SLC30A8: variants seen among roughly 807,000 people sequenced by gnomAD.
SLC30A8 encodes solute carrier family 30 member 8.
Under a neutral mutation model 36.9 loss-of-function variants are expected in SLC30A8, and 27 were observed. The ratio of observed to expected loss-of-function variants is 0.73; its 90% CI spans 0.54 to 1.01. SLC30A8 has a LOEUF of 1.01. Ranked by LOEUF, SLC30A8 falls within the 50% of genes least tolerant of loss-of-function variation. The pLI is 0.00. For synonymous variants in SLC30A8, 164 were observed against 172.4 expected (o/e 0.95, Z 0.38); for missense variants, 439 against 452.0 (o/e 0.97, Z 0.26).
At chr8:117,169,305 G>C (rs907161429) in intron 6 of SLC30A8, among the ~76,000 whole-genome samples, 1 of 152,092 alleles carries the variant, frequency 6.6e-6, no homozygotes, top group Non-Finnish European at 1.5e-5. Context: ...ATTTTTTGCC[G>C]AGTGTTCCAT....
intron 2 of SLC30A8, chr8:117,147,439 C>T (rs1821949552): frequency 2.9e-6 from 1 of 347,348 alleles, no homozygotes; most frequent in South Asian, 3.5e-5. Context: ...TGAGAGCATA[C>T]TGAATGCTTT....
chr8:117,091,077 T>G (rs1174816123), intron 2 of SLC30A8, among the ~76,000 whole-genome samples: 1 of 152,192 alleles, frequency 6.6e-6, no homozygotes, highest in African/African-American at 2.4e-5. Context: ...ACATCTTTTT[T>G]TTTTTGCACT....
upstream of SLC30A8, among the ~76,000 whole-genome samples, chr8:117,132,666 T>C (rs1400654349): frequency 6.6e-6 from 1 of 152,042 alleles, no homozygotes. Context: ...CGTTGGCCCT[T>C]GGTGGGCAGT....
At chr8:117,089,450 G>A (rs1819017047) in intron 2 of SLC30A8, among the ~76,000 whole-genome samples, 1 of 152,048 alleles carries the variant, frequency 6.6e-6, no homozygotes, top group Non-Finnish European at 1.5e-5. Context: ...TTGACTACTT[G>A]CCCAAATCTG....
chr8:117,014,275 G>C (rs1030153460), intron 1 of SLC30A8, among the ~76,000 whole-genome samples: 2 of 123,024 alleles, frequency 1.6e-5, no homozygotes, highest in Non-Finnish European at 3.4e-5. Context: ...TTAGCCTTTG[G>C]CTGCTGAACA....
upstream of SLC30A8, among the ~76,000 whole-genome samples, chr8:117,130,816 G>A (rs1821103675): frequency 6.6e-6 from 1 of 151,870 alleles, no homozygotes; most frequent in Non-Finnish European, 1.5e-5. Flanking sequence ...GTTCAAATTT[G>A]CAAGTGCTTG....
In SLC30A8 at chr8:117,172,794, G is replaced by T; in HGVS notation, c.*113G>T. 8.1e-7 allele frequency: 1 copy of T among 1,241,438 alleles called. No individual in the cohort carries two copies. Among genetic ancestry groups the T allele is most frequent in the Admixed American group, 2.1e-5 (1 of 46,876 alleles). 76.9% of individuals were successfully genotyped at this position (1,241,438 alleles called of 1,614,324 possible). ...CAAAGGAAGAAATTCATGTCATGGT[G>T]CAATGCACATTTTATCTATTTATTT... On this transcript the variant is annotated 3_prime_UTR_variant, in exon 8 of 8. Transcript: ENST00000456015.
chr8:117,023,410 A>G lies in SLC30A8; in HGVS notation c.-265-15809A>G, dbSNP rs560290968. Among the ~76,000 whole-genome samples the G allele has an allele frequency of 1.1e-3, 162 of 152,356 alleles. 2 individuals are homozygous for G. The highest frequency in any genetic ancestry group is 3.6e-3 in the African/African-American group (149 of 41,576). ...GATTATAAATCATGCTGCTGTAAAG[A>G]CACATGCACACATTTGTTTATTGTG... is the stretch of plus-strand genomic sequence containing the variant. On this transcript the variant is annotated intron_variant, in intron 1 of 10. Coordinates refer to the SLC30A8 transcript ENST00000427715.
intron 4 of SLC30A8, among the ~76,000 whole-genome samples, chr8:117,160,936 C>G (rs1029224952): frequency 6.6e-6 from 1 of 152,166 alleles, no homozygotes; most frequent in Non-Finnish European, 1.5e-5. Context: ...AGAAAAAGTT[C>G]AGAAAGGCAA....
At chr8:117,119,013 T>C (rs186570956) in intron 2 of SLC30A8, among the ~76,000 whole-genome samples, 7 of 151,928 alleles carry the variant, frequency 4.6e-5, no homozygotes, top group Admixed American at 3.9e-4. Flanking sequence ...TGGGTAGAAG[T>C]CAACTAAGTT....
chr8:117,123,772 T>A (rs1284557062), intron 2 of SLC30A8, among the ~76,000 whole-genome samples: 1 of 152,058 alleles, frequency 6.6e-6, no homozygotes, highest in Non-Finnish European at 1.5e-5. Flanking sequence ...TACTTCACAT[T>A]AAGATCTGCT....
chr8:116,953,251 A>AT (rs996335006), intron 1 of SLC30A8, among the ~76,000 whole-genome samples: 2 of 151,508 alleles, frequency 1.3e-5, no homozygotes, highest in Admixed American at 6.6e-5. Flanking sequence ...TACGTACCAC[A>AT]TTTTTTTTCA....
At chr8:117,051,435 C>T (rs532496844) in intron 2 of SLC30A8, among the ~76,000 whole-genome samples, 5 of 152,154 alleles carry the variant, frequency 3.3e-5, no homozygotes, top group African/African-American at 1.2e-4. Flanking sequence ...GTCAAGGGGG[C>T]AGATCCCTTA....
intron 1 of SLC30A8, among the ~76,000 whole-genome samples, chr8:117,136,111 G>C (rs1821348253): frequency 6.6e-6 from 1 of 151,932 alleles, no homozygotes; most frequent in African/African-American, 2.4e-5. Context: ...GTGTCATATT[G>C]AGGGTGTTCA....
chr8:117,049,018 A>G (rs1179177114), intron 2 of SLC30A8, among the ~76,000 whole-genome samples: 3 of 152,208 alleles, frequency 2.0e-5, no homozygotes, highest in Non-Finnish European at 4.4e-5. Context: ...TCTGAAGCAT[A>G]TATCTTGATT....
At chr8:116,980,399 G>A (rs73312231) in intron 1 of SLC30A8, among the ~76,000 whole-genome samples, 12,746 of 152,116 alleles carry the variant, frequency 0.084, 1,780 homozygotes, top group African/African-American at 0.29. Flanking sequence ...TAAGCAGTAT[G>A]TAGTCTCAGC....
Position 116,961,514 on chromosome 8 carries a change from T to C in SLC30A8, c.-266+10395T>C, listed in dbSNP as rs564927675. ...AACAGAATAAAAGACATGAATGAGA[T>C]GGTTGGACAAAGAGAAATAAAACTG... On this transcript the variant is annotated intron_variant, in intron 1 of 10. Transcript: ENST00000427715. Among the ~76,000 whole-genome samples, 215 of 152,066 alleles carry C rather than the reference T, an allele frequency of 1.4e-3. 2 individuals are homozygous for C. Among genetic ancestry groups the C allele is most frequent in the Non-Finnish European group, 2.1e-3 (145 of 67,948 alleles).
At chr8:117,063,155 T>C (rs1020579088) in intron 2 of SLC30A8, among the ~76,000 whole-genome samples, 3 of 152,198 alleles carry the variant, frequency 2.0e-5, no homozygotes, top group Non-Finnish European at 2.9e-5. Context: ...CTTGGCAGAA[T>C]TGCTTTGGAT....
At chr8:117,023,937 C>G (rs988263291) in intron 1 of SLC30A8, among the ~76,000 whole-genome samples, 1 of 151,514 alleles carries the variant, frequency 6.6e-6, no homozygotes, top group Non-Finnish European at 1.5e-5. Context: ...TAAGTTTTTT[C>G]TTTTGATAGA....
Sources: allele counts gnomAD v4.1 joint callset (sites outside exome capture counted in the v4.1 genomes callset), GRCh38; gene constraint gnomAD v4.1.1; transcripts MANE v1.5; gene names NCBI Gene and HGNC (gene_info 2026-07-23, HGNC 2026-07-21).